Variants in ASTN2 observed in about 807,000 individuals in gnomAD.
ASTN2 encodes astrotactin-2.
In ASTN2, 54 loss-of-function variants were observed where a neutral mutation model predicts 139.8. That is an observed-to-expected ratio of 0.39 (90% CI 0.31 to 0.48). The LOEUF (loss-of-function observed/expected upper bound fraction) is 0.48, where lower values mean the gene tolerates loss of function less well. ASTN2 is among the 20% of genes least tolerant of loss of function. The pLI is 0.95. For synonymous variants in ASTN2, 756 were observed against 719.5 expected (o/e 1.05, Z -0.81); for missense variants, 1,565 against 1,725.1 (o/e 0.91, Z 1.64).
chr9:116,801,585 C>CAAAAAAAAAAAAAAAAAAAAAAA (rs397893932), intron 13 of ASTN2, among the ~76,000 whole-genome samples: 4 of 60,372 alleles, frequency 6.6e-5, no homozygotes, highest in Non-Finnish European at 8.9e-5. Flanking sequence ...GGCTCTGTCT[C>CAAAAAAAAAAAAAAAAAAAAAAA]AAAAAAAAAA....
intron 10 of ASTN2, among the ~76,000 whole-genome samples, chr9:116,911,970 T>TA (rs35631088): frequency 0.2 from 30,542 of 152,002 alleles, 3,582 homozygotes; most frequent in East Asian, 0.25. Context: ...TAAAATTAGT[T>TA]AAAAAAAACT....
chr9:116,960,275 C>G (rs1286208098), intron 10 of ASTN2, among the ~76,000 whole-genome samples: 2 of 152,144 alleles, frequency 1.3e-5, no homozygotes, highest in African/African-American at 4.8e-5. Context: ...ATGCTCATTC[C>G]TGAGGCCAGG....
intron 1 of ASTN2, among the ~76,000 whole-genome samples, chr9:117,294,136 A>G (rs1834668096): frequency 6.6e-6 from 1 of 152,242 alleles, no homozygotes; most frequent in Non-Finnish European, 1.5e-5. Flanking sequence ...TAGTGACTTA[A>G]GTTCACTGGT....
intron 3 of ASTN2, among the ~76,000 whole-genome samples, chr9:117,180,320 T>C (rs1193380785): frequency 6.6e-6 from 1 of 152,188 alleles, no homozygotes; most frequent in East Asian, 1.9e-4. Flanking sequence ...TTTCTGTTCA[T>C]GTTCCTTTGT....
intron 20 of ASTN2, among the ~76,000 whole-genome samples, chr9:116,444,438 C>T (rs1016775796): frequency 1.2e-4 from 19 of 152,062 alleles, no homozygotes; most frequent in African/African-American, 4.6e-4. Flanking sequence ...GCAATGTGTC[C>T]AAAGTCACAG....
intron 1 of ASTN2, among the ~76,000 whole-genome samples, chr9:117,311,148 G>C (rs773442749): frequency 6.7e-6 from 1 of 150,222 alleles, no homozygotes; most frequent in Non-Finnish European, 1.5e-5. Context: ...GCTGCTCCAA[G>C]CTTAATTGAG....
At chr9:117,120,019 T>TGTGTAC (rs1491216665) in intron 4 of ASTN2, among the ~76,000 whole-genome samples, 1 of 12,138 alleles carries the variant, frequency 8.2e-5, no homozygotes, top group African/African-American at 1.7e-4. Flanking sequence ...TGTGTGTGTG[T>TGTGTAC]ATATATATAT....
intron 5 of ASTN2, among the ~76,000 whole-genome samples, chr9:117,066,076 G>T: frequency 6.9e-6 from 1 of 144,646 alleles, no homozygotes; most frequent in South Asian, 2.3e-4. Context: ...GTGCAGGTTA[G>T]TTACATATGT....
chr9:117,134,362 C>T (rs1016237952), intron 4 of ASTN2, among the ~76,000 whole-genome samples: 1 of 146,798 alleles, frequency 6.8e-6, no homozygotes, highest in Admixed American at 6.8e-5. Context: ...GGGACAGTGT[C>T]CCACAGTAAA....
chr9:116,428,389 T>C (rs925905929), intron 22 of ASTN2, among the ~76,000 whole-genome samples: 2 of 152,010 alleles, frequency 1.3e-5, no homozygotes, highest in Non-Finnish European at 2.9e-5. Flanking sequence ...CTGGGCGTGG[T>C]GGTGGGTACC....
intron 17 of ASTN2, among the ~76,000 whole-genome samples, chr9:116,621,581 C>G (rs530872795): frequency 1.3e-5 from 2 of 151,924 alleles, no homozygotes; most frequent in Non-Finnish European, 2.9e-5. Flanking sequence ...AGTCTAGAAT[C>G]ATGCTCCTCT....
chr9:116,706,760 ATTTTTTT>A lies in ASTN2; in HGVS notation c.2806+19004_2806+19010del, dbSNP rs60395133. Among the ~76,000 whole-genome samples the A allele has an allele frequency of 7.9e-5, 7 of 88,058 alleles. No individual in the cohort carries two copies. The East Asian group carries it at 1.5e-3, about 19-fold the overall frequency. 57.8% of individuals were successfully genotyped at this position (88,058 alleles called of 152,430 possible). On this transcript the variant is annotated intron_variant, in intron 16 of 22. Coordinates refer to ENST00000313400, the MANE Select transcript of ASTN2 (RefSeq NM_001365068.1). ...TGCTAACTGACTCTTGCTGGCTAGA[ATTTTTTT>A]TTTTTTTTTTTTTTTTTTGTCACTG...
intron 19 of ASTN2, among the ~76,000 whole-genome samples, chr9:116,530,139 AT>A (rs1851275689): frequency 1.5e-4 from 4 of 27,148 alleles, no homozygotes; most frequent in Non-Finnish European, 2.3e-4. Context: ...ATATATATAT[AT>A]ATATATATAT....
At chr9:116,687,306 C>T (rs1588199125) in intron 16 of ASTN2, 34 of 984,376 alleles carry the variant, frequency 3.5e-5, no homozygotes, top group Non-Finnish European at 4.1e-5. Context: ...GCAAGGGGTG[C>T]TCAACGGCGC....
At chr9:117,019,554 A>G (rs1258328553) in intron 6 of ASTN2, among the ~76,000 whole-genome samples, 1 of 152,120 alleles carries the variant, frequency 6.6e-6, no homozygotes, top group Non-Finnish European at 1.5e-5. Context: ...GCCAAGTCCT[A>G]CTATGAATTC....
At chr9:116,743,678 T>A (rs1027545948) in intron 13 of ASTN2, among the ~76,000 whole-genome samples, 1 of 152,148 alleles carries the variant, frequency 6.6e-6, no homozygotes, top group African/African-American at 2.4e-5. Context: ...GCTAATTGTA[T>A]TTTTAGTAGA....
intron 1 of ASTN2, among the ~76,000 whole-genome samples, chr9:117,317,011 C>T (rs1246495982): frequency 1.3e-5 from 2 of 152,030 alleles, no homozygotes; most frequent in African/African-American, 4.8e-5. Context: ...TATCTTTTTG[C>T]CTCTCCCCTT....
At position 116,523,131 on chromosome 9, in the gene ASTN2, T is replaced by C. The variant is rs530267877; in HGVS notation, c.3356-35631A>G. Among the ~76,000 whole-genome samples, 20 of 152,126 alleles carry C rather than the reference T, an allele frequency of 1.3e-4. No homozygotes were observed. The South Asian group carries it at 4.1e-3, about 32-fold the overall frequency. ...TTTCATGACCTCACCTGAGGGCTAT[T>C]AACTATTATTAAGATAAAGCTCAAG... is the stretch of plus-strand genomic sequence containing the variant. On this transcript the variant is annotated intron_variant, in intron 19 of 22. Transcript: ENST00000313400.
intron 12 of ASTN2, among the ~76,000 whole-genome samples, chr9:116,820,075 A>G (rs1275192772): frequency 1.5e-4 from 23 of 152,204 alleles, no homozygotes; most frequent in Admixed American, 1.4e-3. Flanking sequence ...CTGTCCTACA[A>G]GCTTCACCTG....
Sources: allele counts gnomAD v4.1 joint callset (sites outside exome capture counted in the v4.1 genomes callset), GRCh38; gene constraint gnomAD v4.1.1; transcripts MANE v1.5; gene names NCBI Gene and HGNC (gene_info 2026-07-23, HGNC 2026-07-21).